Variants in MCRIP2 observed in about 807,000 individuals in gnomAD.
MCRIP2 encodes MAPK regulated co-repressor interacting protein 2.
In MCRIP2, 21 loss-of-function variants were observed where a neutral mutation model predicts 23.2. The observed-to-expected ratio is 0.90, with a 90% CI of 0.64 to 1.30. The LOEUF (loss-of-function observed/expected upper bound fraction) is 1.30, where lower values mean the gene tolerates loss of function less well. Among genes scored for constraint, MCRIP2 ranks in the 50% most tolerant of loss-of-function variants. The probability of loss-of-function intolerance (pLI) is 0.00; values close to 1 mark genes in which losing one functional copy is unlikely to be tolerated. For missense variants in MCRIP2, 234 were observed against 223.2 expected (o/e 1.05, Z -0.31); for synonymous variants, 121 against 100.2 (o/e 1.21, Z -1.24).
chr16:642,449 C>T (rs2037372632), intron 2 of MCRIP2, 200 bp downstream of exon 2: 1 of 355,350 alleles, frequency 2.8e-6, no homozygotes, highest in Non-Finnish European at 4.3e-6. Flanking sequence ...TTCCGCCTCA[C>T]CTGGCCGGGC....
At position 642,036 on chromosome 16, in the gene MCRIP2, C is replaced by T; in HGVS notation, c.45C>T (p.Arg15=). ...GGCCCAGCAAGCTGGTCGCGCAGCG[C>T]CGCACAGGTGCGCACGGGCCGGGGA... ...TKGPSKLVAQ[R]RTGPTQQQVE... is the part of the protein sequence containing the mutation. The change falls in exon 1 of 5, where the codon CGC becomes CGT. Residue 15 remains arginine (R), a synonymous_variant. Transcript: ENST00000307650. 2 of 1,324,500 alleles carry T rather than the reference C, an allele frequency of 1.5e-6. No homozygotes were observed. Among genetic ancestry groups the T allele is most frequent in the Non-Finnish European group, 1.9e-6 (2 of 1,040,378 alleles). The allele number at this position is 1,324,500 out of a possible 1,614,324, so 82.0% of individuals were successfully genotyped here.
intron 2 of MCRIP2, chr16:642,943 GC>G (rs2151099292): frequency 6.5e-6 from 1 of 152,700 alleles, no homozygotes; most frequent in East Asian, 1.9e-4. Context: ...TTTTGCTGTG[GC>G]CCCAAGCCGG....
rs563804891 is a variant in MCRIP2, at chr16:641,854, C to G, written c.-138C>G. 215 of 745,244 alleles carry G rather than the reference C, an allele frequency of 2.9e-4. 3 individuals are homozygous for G. In the South Asian group the frequency reaches 0.012, roughly 43 times the overall value. The allele number at this position is 745,244 out of a possible 1,614,324, so 46.2% of individuals were successfully genotyped here. ...CCGCGTGTCCGGGGTCAGCCCGAGC[C>G]CGTGCGGGCCCTTTAAGGGCCGGGG... On this transcript the variant is annotated 5_prime_UTR_variant, in exon 1 of 5. Transcript: ENST00000307650.
chr16:642,090 C>T (rs1007695210), intron 1 of MCRIP2, 30 bp from the exon 2 acceptor site: 3 of 1,319,312 alleles, frequency 2.3e-6, no homozygotes, highest in South Asian at 2.0e-5. Flanking sequence ...CGGGGCGCGG[C>T]GGCGGCTGAC....
intron 2 of MCRIP2, among the ~76,000 whole-genome samples, chr16:644,834 C>G (rs1249919525): frequency 6.6e-6 from 1 of 151,998 alleles, no homozygotes; most frequent in Non-Finnish European, 1.5e-5. Flanking sequence ...CTGCACATCT[C>G]CTGGTGCACC....
Position 646,111 on chromosome 16 carries a change from G to C in MCRIP2, c.183-1306G>C, listed in dbSNP as rs7203410. The C allele has an allele frequency of 0.22, 33,449 of 152,190 alleles. 4,721 individuals carry two copies. Among genetic ancestry groups the C allele is most frequent in the African/African-American group, 0.4 (16,768 of 41,466 alleles). The allele number at this position is 152,190 out of a possible 1,614,324, so 9.4% of individuals were successfully genotyped here. ...GCAGCCTTACGTAACCAGAGCCCCT[G>C]GGGCGGTGCCTGCCTCCTGGGGCCC... On this transcript the variant is annotated intron_variant, in intron 2 of 4. Transcript: ENST00000307650. The surrounding 1 kb of genome is among the most constrained non-coding windows in gnomAD (Gnocchi z 6.5).
chr16:647,864 C>A lies in MCRIP2; in HGVS notation c.392C>A (p.Thr131Asn). The A allele has an allele frequency of 7.2e-7, 1 of 1,391,228 alleles. No individual in the cohort carries two copies. The highest frequency in any genetic ancestry group is 9.8e-7 in the Non-Finnish European group (1 of 1,022,476). 86.2% of individuals were successfully genotyped at this position (1,391,228 alleles called of 1,614,324 possible). ...GPRPVQYVER[T>N]PNPRLQNFVP... ...AGGCCTGTGCAGTACGTGGAGAGGA[C>A]CCCCAATCCCCGGCTGCAGAGTGAG... The change falls in exon 4 of 5, where the codon ACC (threonine) becomes AAC (asparagine). Residue 131 changes from threonine (T) to asparagine (N), a missense_variant. Transcript: ENST00000307650.
chr16:643,606 G>A (rs2037405676), intron 2 of MCRIP2, among the ~76,000 whole-genome samples: 1 of 146,438 alleles, frequency 6.8e-6, no homozygotes, highest in South Asian at 2.2e-4. Context: ...GTGCAGTGGC[G>A]CAATCTCAGC....
intron 2 of MCRIP2, chr16:645,841 G>A (rs1343158757): frequency 6.6e-6 from 1 of 152,284 alleles, no homozygotes; most frequent in Non-Finnish European, 1.5e-5. Context: ...CTCTGTTGTT[G>A]GATTTGCTAT....
At chr16:647,352 G>C in intron 2 of MCRIP2, 65 bp from the exon 3 acceptor site, 1 of 1,595,504 alleles carries the variant, frequency 6.3e-7, no homozygotes, top group Non-Finnish European at 8.5e-7. Flanking sequence ...CTGCTCCTGA[G>C]TTCTGCCAGG....
chr16:642,214 CT>C lies in MCRIP2; in HGVS notation c.150del (p.Phe50LeufsTer22). Reference sequence around the variant, plus strand: ...CCTCGCAGCCCCCGCGGGCGCAGCCCTTTGCGCAGCCGCCGGGACCCTGGCC... The same window carrying C: ...CCTCGCAGCCCCCGCGGGCGCAGCCCTTGCGCAGCCGCCGGGACCCTGGCC... ...PTSQPPRAQPFAQPPGPWPLS... is the reference protein window; with the variant it reads ...PTSQPPRAQPXAQPPGPWPLS... On this transcript the variant is annotated frameshift_variant, in exon 2 of 5. Coordinates refer to ENST00000307650, the MANE Select transcript of MCRIP2 (RefSeq NM_138418.4). LOFTEE classifies it high-confidence loss of function. 7.9e-7 allele frequency: 1 copy of C among 1,272,748 alleles called. No homozygotes were observed. The highest frequency in any genetic ancestry group is 2.3e-5 in the South Asian group (1 of 42,562). The allele number at this position is 1,272,748 out of a possible 1,614,324, so 78.8% of individuals were successfully genotyped here. A position where few individuals can be genotyped will look rare whatever the true frequency, so the allele number is the denominator to read the frequency against.
Position 642,266 on chromosome 16 carries a change from C to T in MCRIP2, c.182+17C>T. Reference sequence around the variant, plus strand: ...CCTGTCGAGGTGAGACGCGCGCGGCCCCGGCCCGGCCCGGCCCGGCTTCCC... The same window carrying T: ...CCTGTCGAGGTGAGACGCGCGCGGCTCCGGCCCGGCCCGGCCCGGCTTCCC... On this transcript the variant is annotated intron_variant, in intron 2 of 4. Coordinates refer to ENST00000307650, the MANE Select transcript of MCRIP2 (RefSeq NM_138418.4). 8.7e-7 allele frequency: 1 copy of T among 1,155,512 alleles called. No individual in the cohort carries two copies. The highest frequency in any genetic ancestry group is 1.1e-6 in the Non-Finnish European group (1 of 939,604). 71.6% of individuals were successfully genotyped at this position (1,155,512 alleles called of 1,614,324 possible).
chr16:647,688 C>T (rs1038866224), intron 3 of MCRIP2, 95 bp from the exon 4 acceptor site: 1 of 1,513,128 alleles, frequency 6.6e-7, no homozygotes, highest in African/African-American at 1.4e-5. Context: ...TGTGACCAGC[C>T]CTGTGTGGGG....
At position 647,842 on chromosome 16, in the gene MCRIP2, C is replaced by G; in HGVS notation, c.370C>G (p.Pro124Ala). The change falls in exon 4 of 5, where the codon CCT becomes GCT. Residue 124 changes from proline (P) to alanine (A), a missense_variant. Transcript: ENST00000307650. ...CCCAGCCGGTGAGGGCGGGCCAAGG[C>G]CTGTGCAGTACGTGGAGAGGACCCC... ...GGPAGEGGPR[P>A]VQYVERTPNP... is the part of the protein sequence containing the mutation. 3 of 1,577,168 alleles carry G rather than the reference C, an allele frequency of 1.9e-6. No homozygotes were observed. Among genetic ancestry groups the G allele is most frequent in the Non-Finnish European group, 2.6e-6 (3 of 1,162,102 alleles).
chr16:647,714 A>C (rs1284905935), intron 3 of MCRIP2, 69 bp from the exon 4 acceptor site: 2 of 1,504,844 alleles, frequency 1.3e-6, no homozygotes, highest in East Asian at 4.9e-5. Flanking sequence ...GTCCAGGGTG[A>C]CCATCAGGCC....
intron 3 of MCRIP2, 105 bp downstream of exon 3, chr16:647,649 C>T (rs2037522459): frequency 2.6e-6 from 4 of 1,538,824 alleles, no homozygotes; most frequent in Non-Finnish European, 2.6e-6. Context: ...CATGGCTGTG[C>T]TTTTCCTTGG....
intron 4 of MCRIP2, 109 bp from the exon 5 acceptor site, chr16:648,011 A>G (rs2037544040): frequency 1.1e-5 from 14 of 1,251,146 alleles, no homozygotes; most frequent in African/African-American, 1.5e-5. Flanking sequence ...CCTTCTTCCC[A>G]GCGCCTGCCG....
At chr16:647,198 C>T (rs951824737) in intron 2 of MCRIP2, 5 of 607,214 alleles carry the variant, frequency 8.2e-6, no homozygotes, top group Non-Finnish European at 1.5e-5. Flanking sequence ...CCTCAGGACA[C>T]AGGGCTGCAG....
At chr16:644,718 G>T (rs757475871) in intron 2 of MCRIP2, among the ~76,000 whole-genome samples, 39 of 152,156 alleles carry the variant, frequency 2.6e-4, no homozygotes, top group Admixed American at 7.2e-4. Context: ...GGGGTTATAG[G>T]TGTGGGCCAC....
Sources: gnomAD v4.1 joint callset for allele counts (sites outside exome capture counted in the v4.1 genomes callset) on GRCh38, gnomAD v4.1.1 for gene constraint, Gnocchi (gnomAD v3.1) non-coding constraint, MANE v1.5 for transcripts, NCBI Gene and HGNC (gene_info 2026-07-23, HGNC 2026-07-21) for gene names.